Variants in DACH2 observed in about 807,000 individuals in gnomAD.
The protein encoded by DACH2 is dachshund family transcription factor 2, also known as dachshund homolog 2.
DACH2 carries 17 observed loss-of-function variants against 35.8 expected under a neutral mutation model. That is an observed-to-expected ratio of 0.48 (90% confidence interval 0.33 to 0.71). The LOEUF (loss-of-function observed/expected upper bound fraction) is 0.71. Ranked by LOEUF, DACH2 falls within the 30% of genes least tolerant of loss-of-function variation. DACH2 has a pLI of 0.02. For synonymous variants in DACH2, 195 were observed against 177.3 expected, an observed-to-expected ratio of 1.10 and a Z score of -0.79; for missense variants, 469 against 472.7, an observed-to-expected ratio of 0.99 and a Z score of 0.07.
chrX:86,442,319 T>A (rs146395980), intron 2 of DACH2, among the ~76,000 whole-genome samples: 4 of 108,620 alleles, frequency 3.7e-5, no homozygotes, highest in African/African-American at 1.3e-4. Flanking sequence ...TTGAGAAATG[T>A]CTATTCAGGT....
chrX:86,592,067 C>G (rs1012286749), intron 3 of DACH2, among the ~76,000 whole-genome samples: 2 of 110,088 alleles, frequency 1.8e-5, no homozygotes, highest in Non-Finnish European at 3.8e-5. Flanking sequence ...ATCGATTGTG[C>G]TTATGGTGTT....
At chrX:86,412,641 G>T in intron 2 of DACH2, among the ~76,000 whole-genome samples, 1 of 111,857 alleles carries the variant, frequency 8.9e-6, no homozygotes, top group Non-Finnish European at 1.9e-5. Flanking sequence ...GGTGGATAAG[G>T]CATTCCATGA....
At position 86,411,007 on chromosome X, in the gene DACH2, A is replaced by G. The variant is rs761665091; in HGVS notation, c.527+34145A>G. ...ATTAGTCAGGGTTCTCTAGAGGGAC[A>G]GAACTAATATGATTATATATATATA... On this transcript the variant is annotated intron_variant, in intron 2 of 11. Coordinates refer to ENST00000373125, the MANE Select transcript of DACH2 (RefSeq NM_053281.3). Among the ~76,000 whole-genome samples the G allele has an allele frequency of 1.0e-3, 31 of 29,814 alleles. No individual in the cohort carries two copies. The Admixed American group carries it at 0.016, about 15-fold the overall frequency. The allele number at this position is 29,814 out of a possible 115,157, so 25.9% of individuals were successfully genotyped here.
intron 11 of DACH2, among the ~76,000 whole-genome samples, chrX:86,818,486 A>T (rs1268371564): frequency 9.0e-6 from 1 of 111,465 alleles, no homozygotes; most frequent in African/African-American, 3.2e-5. Flanking sequence ...AAACTCAGAA[A>T]ATGTATAATG....
chrX:86,630,838 C>T (rs2040192714), intron 3 of DACH2, among the ~76,000 whole-genome samples: 2 of 110,903 alleles, frequency 1.8e-5, no homozygotes, highest in Non-Finnish European at 3.8e-5. Flanking sequence ...TTACAGACAC[C>T]TGAAGTGCCT....
chrX:86,703,684 A>G (rs1158704637), intron 5 of DACH2, among the ~76,000 whole-genome samples: 1 of 111,737 alleles, frequency 8.9e-6, no homozygotes, highest in Non-Finnish European at 1.9e-5. Flanking sequence ...AGTCATAAAA[A>G]TGTAAAATAT....
chrX:86,561,951 T>A, intron 3 of DACH2, among the ~76,000 whole-genome samples: 1 of 94,030 alleles, frequency 1.1e-5, no homozygotes, highest in African/African-American at 4.0e-5. Flanking sequence ...GGATGCCAAA[T>A]CAATATATGG....
chrX:86,712,995 A>T, intron 5 of DACH2, among the ~76,000 whole-genome samples: 1 of 111,520 alleles, frequency 9.0e-6, no homozygotes, highest in East Asian at 2.8e-4. Context: ...ACACTGGTGG[A>T]TAATGTTTTC....
chrX:86,177,871 T>C (rs1233683540), intron 1 of DACH2, among the ~76,000 whole-genome samples: 2 of 111,237 alleles, frequency 1.8e-5, no homozygotes, highest in East Asian at 2.8e-4. Flanking sequence ...AAGCGATATA[T>C]GTATGCACTA....
intron 3 of DACH2, among the ~76,000 whole-genome samples, chrX:86,546,388 T>TC (rs1453010456): frequency 1.1e-4 from 9 of 83,282 alleles, no homozygotes; most frequent in African/African-American, 5.1e-4. Flanking sequence ...TTCTTCTTCT[T>TC]CTTCTTCTTC....
At chrX:86,479,581 A>G (rs1025980879) in intron 2 of DACH2, among the ~76,000 whole-genome samples, 1 of 111,377 alleles carries the variant, frequency 9.0e-6, no homozygotes, top group African/African-American at 3.3e-5. Context: ...GTTTTTCGCT[A>G]TCTTCTTTTT....
intron 3 of DACH2, among the ~76,000 whole-genome samples, chrX:86,572,147 A>G (rs1311062129): frequency 9.0e-6 from 1 of 111,190 alleles, no homozygotes; most frequent in Non-Finnish European, 1.9e-5. Context: ...AATGTAAATT[A>G]TGAGTTAATG....
intron 7 of DACH2, among the ~76,000 whole-genome samples, chrX:86,763,281 A>C (rs915627736): frequency 8.9e-5 from 10 of 112,445 alleles, no homozygotes; most frequent in African/African-American, 3.2e-4. Context: ...CTATTCAGCA[A>C]GGAAATGGAA....
chrX:86,510,055 G>A (rs1158812663), intron 2 of DACH2, among the ~76,000 whole-genome samples: 1 of 111,792 alleles, frequency 8.9e-6, no homozygotes, highest in Non-Finnish European at 1.9e-5. Flanking sequence ...AGGAAGACAA[G>A]CTTTCATTGA....
At chrX:86,519,231 T>C (rs1162703437) in intron 3 of DACH2, among the ~76,000 whole-genome samples, 1 of 112,434 alleles carries the variant, frequency 8.9e-6, no homozygotes, top group African/African-American at 3.2e-5. Flanking sequence ...CAACCTTACA[T>C]CCTGAGGATG....
At chrX:86,328,854 G>A (rs2035162102) in intron 1 of DACH2, among the ~76,000 whole-genome samples, 1 of 111,695 alleles carries the variant, frequency 9.0e-6, no homozygotes, top group South Asian at 3.8e-4. Context: ...ACCATTTTCT[G>A]CATCTCTAGT....
intron 1 of DACH2, among the ~76,000 whole-genome samples, chrX:86,297,511 A>G (rs1329195552): frequency 9.0e-6 from 1 of 111,671 alleles, no homozygotes; most frequent in African/African-American, 3.3e-5. Context: ...TCCAAATGAA[A>G]TCTCTTCCTG....
At chrX:86,334,637 C>A (rs1241444050) in intron 1 of DACH2, among the ~76,000 whole-genome samples, 1 of 111,808 alleles carries the variant, frequency 8.9e-6, no homozygotes, top group African/African-American at 3.2e-5. Context: ...TGTTTAAGTT[C>A]TTTGTAGAAT....
intron 1 of DACH2, among the ~76,000 whole-genome samples, chrX:86,200,768 T>C (rs2032134157): frequency 9.0e-6 from 1 of 110,868 alleles, no homozygotes; most frequent in African/African-American, 3.3e-5. Context: ...ATGGCTATTA[T>C]GAAAAAGTCA....
Sources: allele counts gnomAD v4.1 joint callset (sites outside exome capture counted in the v4.1 genomes callset), GRCh38; gene constraint gnomAD v4.1.1; transcripts MANE v1.5; gene names NCBI Gene and HGNC (gene_info 2026-07-23, HGNC 2026-07-21).